Variants in SH3RF3 observed in about 807,000 individuals in gnomAD.
SH3RF3 encodes SH3 domain containing ring finger 3.
In SH3RF3, 29 loss-of-function variants were observed where a neutral mutation model predicts 66.3. The ratio of observed to expected loss-of-function variants is 0.44; its 90% CI spans 0.33 to 0.60. SH3RF3 has a LOEUF of 0.60. Ranked by LOEUF, SH3RF3 falls within the 20% of genes least tolerant of loss-of-function variation. SH3RF3 has a pLI of 0.04. For missense variants in SH3RF3, 1,194 were observed against 1,190.9 expected (o/e 1.00, Z -0.04); for synonymous variants, 583 against 532.0 (o/e 1.10, Z -1.32).
rs181320814 is a variant in SH3RF3, at chr2:109,250,544, G to A, written c.574-97130G>A. On this transcript the variant is annotated intron_variant, in intron 1 of 9. Transcript: ENST00000309415. ...ATTTTAAAGGATCTAGAATTTGACCGTTTTTCTTTTTCAAAACATGATAAA... is the reference window on the plus strand; with the variant it reads ...ATTTTAAAGGATCTAGAATTTGACCATTTTTCTTTTTCAAAACATGATAAA... 2.0e-5 allele frequency among the ~76,000 whole-genome samples: 3 copies of A among 151,736 alleles called. No homozygotes were observed. In the East Asian group the frequency reaches 5.8e-4, roughly 29 times the overall value.
At position 109,306,257 on chromosome 2, in the gene SH3RF3, G is replaced by C. The variant is rs149229943; in HGVS notation, c.574-41417G>C. Reference sequence around the variant, plus strand: ...CCCAGGAAGTGTCAGCAGTGGGGCCGGGATGAGGGGTGGATAGAGGGGTGC... The same window carrying C: ...CCCAGGAAGTGTCAGCAGTGGGGCCCGGATGAGGGGTGGATAGAGGGGTGC... On this transcript the variant is annotated intron_variant, in intron 1 of 9. Coordinates refer to ENST00000309415, the MANE Select transcript of SH3RF3 (RefSeq NM_001099289.3). Among the ~76,000 whole-genome samples, 1,282 of 152,308 alleles carry C rather than the reference G, an allele frequency of 8.4e-3. 15 individuals are homozygous for C. Among genetic ancestry groups the C allele is most frequent in the East Asian group, 0.044 (228 of 5,190 alleles).
chr2:109,495,912 A>AAAC (rs36135534), intron 9 of SH3RF3, among the ~76,000 whole-genome samples: 38,791 of 152,060 alleles, frequency 0.26, 5,283 homozygotes, highest in East Asian at 0.5. Context: ...AGTGCACACT[A>AAAC]AACACAACAA....
intron 8 of SH3RF3, among the ~76,000 whole-genome samples, chr2:109,481,869 T>C (rs1352537655): frequency 6.6e-6 from 1 of 152,124 alleles, no homozygotes; most frequent in Non-Finnish European, 1.5e-5. Flanking sequence ...GATGAGCAAT[T>C]GGCCAAGTCA....
chr2:109,348,783 T>G (rs1212579896), intron 2 of SH3RF3, among the ~76,000 whole-genome samples: 1 of 152,124 alleles, frequency 6.6e-6, no homozygotes, highest in Non-Finnish European at 1.5e-5. Flanking sequence ...CTCCTGTCTC[T>G]TGTGTCTCCT....
chr2:109,238,449 T>TTGTGTGTGTG (rs56112018), intron 1 of SH3RF3, among the ~76,000 whole-genome samples: 7 of 142,602 alleles, frequency 4.9e-5, no homozygotes, highest in African/African-American at 1.5e-4. Flanking sequence ...TTATGTATAT[T>TTGTGTGTGTG]TGTGTGTGTG....
At chr2:109,425,935 T>G (rs1177920308) in intron 5 of SH3RF3, among the ~76,000 whole-genome samples, 1 of 152,184 alleles carries the variant, frequency 6.6e-6, no homozygotes. Flanking sequence ...TTTCACTCTG[T>G]CGTCCAGGCT....
chr2:109,408,628 C>T (rs1303110680), intron 4 of SH3RF3, among the ~76,000 whole-genome samples: 6 of 152,250 alleles, frequency 3.9e-5, no homozygotes, highest in Non-Finnish European at 8.8e-5. Context: ...CCTCTCTGTA[C>T]AGGCAATGCC....
intron 1 of SH3RF3, among the ~76,000 whole-genome samples, chr2:109,133,573 A>C (rs548100941): frequency 4.6e-5 from 7 of 151,252 alleles, no homozygotes; most frequent in African/African-American, 1.7e-4. Context: ...GTGAAGACTA[A>C]GATTTTCAAA....
intron 1 of SH3RF3, among the ~76,000 whole-genome samples, chr2:109,140,336 A>G (rs1049104411): frequency 6.6e-6 from 1 of 151,610 alleles, no homozygotes; most frequent in Non-Finnish European, 1.5e-5. Context: ...TAATGCCTTT[A>G]CATACTGATG....
chr2:109,397,662 C>G (rs1676186127), intron 3 of SH3RF3, among the ~76,000 whole-genome samples: 1 of 152,200 alleles, frequency 6.6e-6, no homozygotes, highest in Non-Finnish European at 1.5e-5. Flanking sequence ...GGAGCCTTTT[C>G]TCACAGCTGG....
At chr2:109,218,054 C>T (rs1679140712) in intron 1 of SH3RF3, among the ~76,000 whole-genome samples, 1 of 152,088 alleles carries the variant, frequency 6.6e-6, no homozygotes, top group African/African-American at 2.4e-5. Flanking sequence ...TGGCAGACAG[C>T]TGCGGGGAGG....
At chr2:109,329,105 C>T (rs1682225421) in intron 1 of SH3RF3, among the ~76,000 whole-genome samples, 1 of 152,174 alleles carries the variant, frequency 6.6e-6, no homozygotes, top group South Asian at 2.1e-4. Context: ...CCTTTTCTTA[C>T]TCTTTCATCT....
At chr2:109,392,708 G>T (rs1225727175) in intron 3 of SH3RF3, among the ~76,000 whole-genome samples, 1 of 151,782 alleles carries the variant, frequency 6.6e-6, no homozygotes, top group Admixed American at 6.6e-5. Flanking sequence ...GTAGAGATGG[G>T]GTTTCACCGT....
intron 1 of SH3RF3, among the ~76,000 whole-genome samples, chr2:109,290,917 G>A (rs568392183): frequency 3.9e-5 from 6 of 152,320 alleles, no homozygotes; most frequent in South Asian, 2.1e-4. Context: ...TGGTAAATTC[G>A]TTGAGAATAG....
At chr2:109,311,750 C>T (rs990580622) in intron 1 of SH3RF3, among the ~76,000 whole-genome samples, 3 of 151,012 alleles carry the variant, frequency 2.0e-5, no homozygotes, top group Non-Finnish European at 2.9e-5. Flanking sequence ...CTGAAAAGGG[C>T]GCTAATTTCA....
chr2:109,317,142 A>G (rs1398467115), intron 1 of SH3RF3, among the ~76,000 whole-genome samples: 6 of 152,022 alleles, frequency 3.9e-5, no homozygotes, highest in Admixed American at 6.5e-5. Flanking sequence ...AAATGTTTTC[A>G]TGAGATGTAA....
intron 1 of SH3RF3, among the ~76,000 whole-genome samples, chr2:109,283,799 GT>G (rs1295156403): frequency 2.0e-5 from 3 of 152,208 alleles, no homozygotes; most frequent in African/African-American, 7.2e-5. Flanking sequence ...GGCTCCTTGT[GT>G]TTGTTCTCTC....
intron 1 of SH3RF3, among the ~76,000 whole-genome samples, chr2:109,340,734 C>T (rs1176435454): frequency 6.6e-6 from 1 of 152,162 alleles, no homozygotes; most frequent in Non-Finnish European, 1.5e-5. Flanking sequence ...TTATTCTCAG[C>T]ATACTAAGAA....
Position 109,464,441 on chromosome 2 carries a change from G to A in SH3RF3, c.2148+14952G>A, listed in dbSNP as rs117666581. On this transcript the variant is annotated intron_variant, in intron 8 of 9. Coordinates refer to ENST00000309415, the MANE Select transcript of SH3RF3 (RefSeq NM_001099289.3). ...CATGACTACATGTACACACATTCGC[G>A]TACATATAAAATACATGTGCACACA... Among the ~76,000 whole-genome samples the A allele has an allele frequency of 1.1e-3, 162 of 152,092 alleles. 2 individuals carry two copies. The highest frequency in any genetic ancestry group is 6.8e-3 in the East Asian group (35 of 5,176).
Sources: allele counts gnomAD v4.1 joint callset (sites outside exome capture counted in the v4.1 genomes callset), GRCh38; gene constraint gnomAD v4.1.1; transcripts MANE v1.5; gene names NCBI Gene and HGNC (gene_info 2026-07-23, HGNC 2026-07-21).